The following ADCY9 variants were observed in gnomAD, a reference collection of about 807,000 sequenced individuals.
The protein encoded by ADCY9 is adenylate cyclase 9, also known as adenylate cyclase type 9.
Under a neutral mutation model 101.5 loss-of-function variants are expected in ADCY9, and 50 were observed. The ratio of observed to expected loss-of-function variants is 0.49; its 90% CI spans 0.39 to 0.62. The LOEUF (loss-of-function observed/expected upper bound fraction) is 0.62, where lower values mean the gene tolerates loss of function less well. Ranked by LOEUF, ADCY9 falls within the 20% of genes least tolerant of loss-of-function variation. The probability of loss-of-function intolerance (pLI) is 0.00; values close to 1 mark genes in which losing one functional copy is unlikely to be tolerated. For synonymous variants in ADCY9, 905 were observed against 769.3 expected, an observed-to-expected ratio of 1.18 and a Z score of -2.92; for missense variants, 1,662 against 1,800.4, an observed-to-expected ratio of 0.92 and a Z score of 1.39.
At chr16:3,994,489 CTT>C (rs1376838477) in intron 3 of ADCY9, among the ~76,000 whole-genome samples, 2 of 152,176 alleles carry the variant, frequency 1.3e-5, no homozygotes, top group Non-Finnish European at 2.9e-5. Context: ...GAGTTTCACT[CTT>C]GTCACCCAGG....
chr16:3,993,814 C>T (rs1360731230), intron 3 of ADCY9, among the ~76,000 whole-genome samples: 5 of 152,156 alleles, frequency 3.3e-5, no homozygotes, highest in African/African-American at 1.2e-4. Flanking sequence ...ACGAAAAAGA[C>T]GGAAGCACTG....
At chr16:4,081,594 G>A (rs1018400504) in intron 2 of ADCY9, among the ~76,000 whole-genome samples, 10 of 152,202 alleles carry the variant, frequency 6.6e-5, no homozygotes, top group African/African-American at 2.2e-4. Flanking sequence ...GAAAGCCTTC[G>A]AGAGTGCTTT....
At chr16:4,045,454 G>T (rs2056656144) in intron 2 of ADCY9, among the ~76,000 whole-genome samples, 1 of 151,736 alleles carries the variant, frequency 6.6e-6, no homozygotes, top group Non-Finnish European at 1.5e-5. Context: ...AATTAGCCAG[G>T]TGTGGTGGCG....
At chr16:4,074,339 TTAAAA>T (rs1282523628) in intron 2 of ADCY9, among the ~76,000 whole-genome samples, 4 of 151,708 alleles carry the variant, frequency 2.6e-5, no homozygotes. Context: ...GGGCAATGAC[TTAAAA>T]TAAGTGAGAA....
At chr16:4,025,449 G>GGGTTT (rs945803533) in intron 2 of ADCY9, among the ~76,000 whole-genome samples, 1 of 151,956 alleles carries the variant, frequency 6.6e-6, no homozygotes, top group Non-Finnish European at 1.5e-5. Flanking sequence ...AAGCCAGCCT[G>GGGTTT]GGTTTGGCCA....
intron 2 of ADCY9, among the ~76,000 whole-genome samples, chr16:4,069,958 C>T (rs1021379945): frequency 6.6e-6 from 1 of 152,086 alleles, no homozygotes. Flanking sequence ...ATTAGCCAGG[C>T]GTGGTGGCAC....
At chr16:4,050,618 G>A (rs990035086) in intron 2 of ADCY9, among the ~76,000 whole-genome samples, 1 of 147,012 alleles carries the variant, frequency 6.8e-6, no homozygotes, top group African/African-American at 2.5e-5. Context: ...GGAGGCTGAG[G>A]CAGGAGAACT....
intron 2 of ADCY9, chr16:4,031,870 C>A (rs927911314): frequency 3.3e-5 from 5 of 151,828 alleles, no homozygotes; most frequent in African/African-American, 9.7e-5. Context: ...GACTGAGACC[C>A]TGTCTCAATA....
At chr16:4,039,092 G>A (rs1008641834) in intron 2 of ADCY9, among the ~76,000 whole-genome samples, 1 of 152,070 alleles carries the variant, frequency 6.6e-6, no homozygotes, top group Non-Finnish European at 1.5e-5. Flanking sequence ...CAGTTAACCC[G>A]CACCAGTCTG....
chr16:4,015,071 C>A lies in ADCY9; in HGVS notation c.1694-7513G>T, dbSNP rs2056429424. Among the ~76,000 whole-genome samples the A allele has an allele frequency of 2.0e-5, 3 of 151,044 alleles. No homozygotes were observed. The South Asian group carries it at 6.3e-4, about 32-fold the overall frequency. ...TCTCCTGCCTCAGCCTCCCGAGCAG[C>A]TGGGACTACAGGCACCCACCACTAT... On this transcript the variant is annotated intron_variant, in intron 2 of 10. Transcript: ENST00000294016.
intron 6 of ADCY9, among the ~76,000 whole-genome samples, chr16:3,985,195 A>G (rs1441528287): frequency 7.8e-6 from 1 of 127,994 alleles, no homozygotes; most frequent in Non-Finnish European, 1.5e-5. Flanking sequence ...GCTGGAGTGC[A>G]GTGGCGCGAT....
At chr16:4,068,548 C>T (rs1406883407) in intron 2 of ADCY9, among the ~76,000 whole-genome samples, 1 of 152,104 alleles carries the variant, frequency 6.6e-6, no homozygotes, top group African/African-American at 2.4e-5. Context: ...GGCACGGTGG[C>T]TCACACCTGT....
intron 5 of ADCY9, among the ~76,000 whole-genome samples, chr16:3,989,631 C>T (rs1056562184): frequency 4.6e-5 from 7 of 152,210 alleles, no homozygotes; most frequent in Admixed American, 6.5e-5. Flanking sequence ...CCACCCATCT[C>T]GGCCTCCCAA....
Position 3,974,724 on chromosome 16 carries a change from G to A in ADCY9, c.2829-14C>T, listed in dbSNP as rs770278451. On this transcript the variant is annotated splice_polypyrimidine_tract_variant and intron_variant, in intron 9 of 10. Transcript: ENST00000294016. ...GTTAATACAGAACTGAAATTAAAAT[G>A]CAGAAAAATATTATCATAAAGAGCA... is the stretch of plus-strand genomic sequence containing the variant. 13 of 1,608,604 alleles carry A rather than the reference G, an allele frequency of 8.1e-6. No homozygotes were observed. Among genetic ancestry groups the A allele is most frequent in the Non-Finnish European group, 1.1e-5 (13 of 1,175,436 alleles).
intron 2 of ADCY9, among the ~76,000 whole-genome samples, chr16:4,010,664 G>A (rs1014912296): frequency 9.2e-5 from 14 of 152,158 alleles, no homozygotes; most frequent in African/African-American, 2.9e-4. Flanking sequence ...ATGGTCAGGC[G>A]TGCCAAGTCC....
chr16:3,993,224 C>T, intron 4 of ADCY9, 182 bp downstream of exon 4: 1 of 1,107,350 alleles, frequency 9.0e-7, no homozygotes. Context: ...ACGTGGGTTG[C>T]TGCTGACCCT....
chr16:3,997,174 G>C (rs2056293719), intron 3 of ADCY9, among the ~76,000 whole-genome samples: 2 of 152,126 alleles, frequency 1.3e-5, no homozygotes, highest in Admixed American at 1.3e-4. Flanking sequence ...CAACCCTCCT[G>C]TGCTTTAAGA....
At chr16:4,066,953 TTCA>T (rs1169255555) in intron 2 of ADCY9, among the ~76,000 whole-genome samples, 2 of 152,304 alleles carry the variant, frequency 1.3e-5, no homozygotes, top group African/African-American at 4.8e-5. Flanking sequence ...GAAGGAAACA[TTCA>T]TCATTACATC....
intron 2 of ADCY9, among the ~76,000 whole-genome samples, chr16:4,093,321 C>G (rs888737604): frequency 2.0e-5 from 3 of 152,220 alleles, no homozygotes; most frequent in Non-Finnish European, 2.9e-5. Flanking sequence ...TATTAAGGAT[C>G]TGGCTGATCA....
Sources: gnomAD v4.1 joint callset for allele counts (sites outside exome capture counted in the v4.1 genomes callset) on GRCh38, gnomAD v4.1.1 for gene constraint, MANE v1.5 for transcripts, NCBI Gene and HGNC (gene_info 2026-07-23, HGNC 2026-07-21) for gene names.